Variants in TRAF3 observed in about 807,000 individuals in gnomAD.
TRAF3 encodes the protein TNF receptor associated factor 3.
A neutral mutation model predicts 62.3 loss-of-function variants in TRAF3; 13 were observed. That is an observed-to-expected ratio of 0.21 (90% CI 0.14 to 0.33). The LOEUF (loss-of-function observed/expected upper bound fraction) is 0.33, where lower values mean the gene tolerates loss of function less well. Among genes scored for constraint, TRAF3 ranks in the 10% least tolerant of loss-of-function variants. The pLI, the probability that TRAF3 is intolerant of heterozygous loss-of-function variation, is 1.00. For missense variants in TRAF3, 440 were observed against 741.8 expected, an observed-to-expected ratio of 0.59 and a Z score of 4.73; for synonymous variants, 269 against 283.4, an observed-to-expected ratio of 0.95 and a Z score of 0.51.
chr14:102,815,209 G>T (rs969064097), intron 1 of TRAF3, among the ~76,000 whole-genome samples: 11 of 152,224 alleles, frequency 7.2e-5, no homozygotes, highest in African/African-American at 2.7e-4. Context: ...AAAGTGTTGG[G>T]ATTACAGATG....
At chr14:102,811,550 GTTTTTTTTTTTTT>G (rs35064640) in intron 1 of TRAF3, among the ~76,000 whole-genome samples, 1 of 79,488 alleles carries the variant, frequency 1.3e-5, no homozygotes, top group Non-Finnish European at 2.3e-5. Flanking sequence ...GCTGTAGGCG[GTTTTTTTTTTTTT>G]TTTTTTTTTT....
chr14:102,827,022 G>A (rs999288583), intron 1 of TRAF3, among the ~76,000 whole-genome samples: 2 of 152,120 alleles, frequency 1.3e-5, no homozygotes, highest in Non-Finnish European at 2.9e-5. Flanking sequence ...GACGGGCTCC[G>A]GCCACAGGCG....
chr14:102,781,477 A>G (rs1262930900), intron 1 of TRAF3, among the ~76,000 whole-genome samples: 1 of 152,114 alleles, frequency 6.6e-6, no homozygotes, highest in Non-Finnish European at 1.5e-5. Context: ...AAGTCTCCAA[A>G]GTGGCAGGGG....
chr14:102,875,717 G>T lies in TRAF3; in HGVS notation c.391G>T (p.Gly131Ter). 1 of 1,613,798 alleles carries T rather than the reference G, an allele frequency of 6.2e-7. No homozygotes were observed. Among genetic ancestry groups the T allele is most frequent in the Non-Finnish European group, 8.5e-7 (1 of 1,179,746 alleles). The part of the protein sequence containing the change: ...SRGCAEQLML[G>*]HLLVHLKNDC... ...AGGTTGTGCAGAGCAGTTAATGCTG[G>T]GACATCTGCTGGTGAGTAGCAAAGG... The change falls in exon 5 of 12, where the codon GGA (glycine) becomes TGA (stop). Residue 131 changes from glycine to a stop codon, truncating the protein, a stop_gained. Transcript: ENST00000392745. LOFTEE classifies it high-confidence loss of function.
At chr14:102,866,209 G>A (rs550446258) in intron 2 of TRAF3, among the ~76,000 whole-genome samples, 3 of 152,142 alleles carry the variant, frequency 2.0e-5, no homozygotes, top group Admixed American at 6.5e-5. Context: ...GTTCTCACTC[G>A]TAAGTGGGAG....
In TRAF3 at chr14:102,833,776, C is replaced by T. The variant is rs377294434; in HGVS notation, c.-18+3304C>T. Among the ~76,000 whole-genome samples, 3 of 151,774 alleles carry T rather than the reference C, an allele frequency of 2.0e-5. 1 individual carries two copies. In the South Asian group the frequency reaches 6.2e-4, roughly 32 times the overall value. Reference sequence around the variant, plus strand: ...TTGGGAGGTCGAGGCGGGTGGATCACGAGGTCAGGAATTCGAGACCAGCCT... The same window carrying T: ...TTGGGAGGTCGAGGCGGGTGGATCATGAGGTCAGGAATTCGAGACCAGCCT... On this transcript the variant is annotated intron_variant, in intron 2 of 11. Coordinates refer to ENST00000392745, the MANE Select transcript of TRAF3 (RefSeq NM_145725.3).
chr14:102,810,395 CTGGAGTGG>C (rs1310538564), intron 1 of TRAF3, among the ~76,000 whole-genome samples: 3 of 152,142 alleles, frequency 2.0e-5, no homozygotes, highest in Admixed American at 2.0e-4. Flanking sequence ...AAGCTTAGTT[CTGGAGTGG>C]TGGACCATCA....
At chr14:102,790,580 G>A (rs1000032655) in intron 1 of TRAF3, among the ~76,000 whole-genome samples, 9 of 152,170 alleles carry the variant, frequency 5.9e-5, no homozygotes, top group African/African-American at 2.2e-4. Context: ...GTCTGTGCAG[G>A]GGAACTGTGC....
chr14:102,855,794 T>TAAA (rs59248096), intron 2 of TRAF3, among the ~76,000 whole-genome samples: 6 of 132,162 alleles, frequency 4.5e-5, no homozygotes, highest in African/African-American at 1.6e-4. Flanking sequence ...AGACTTTATC[T>TAAA]AAAAAAAAAA....
intron 1 of TRAF3, among the ~76,000 whole-genome samples, chr14:102,794,641 T>A (rs554912749): frequency 6.6e-6 from 1 of 152,336 alleles, no homozygotes. Context: ...CTGTCCTTGA[T>A]CTGGTATACG....
intron 1 of TRAF3, among the ~76,000 whole-genome samples, chr14:102,793,553 C>G (rs935040818): frequency 5.9e-5 from 9 of 152,288 alleles, no homozygotes; most frequent in South Asian, 2.1e-4. Flanking sequence ...GCAGACAACC[C>G]TAACATCTCT....
At chr14:102,843,418 A>T (rs1004009462) in intron 2 of TRAF3, among the ~76,000 whole-genome samples, 1 of 149,792 alleles carries the variant, frequency 6.7e-6, no homozygotes, top group African/African-American at 2.5e-5. Flanking sequence ...GCTCACTGCA[A>T]TCTCTGTCTC....
At chr14:102,849,321 A>G (rs1886899167) in intron 2 of TRAF3, among the ~76,000 whole-genome samples, 2 of 152,222 alleles carry the variant, frequency 1.3e-5, no homozygotes, top group Admixed American at 6.5e-5. Context: ...CATCTGGAGA[A>G]GTGCTGCCTG....
In TRAF3 at chr14:102,901,093, C is replaced by T. The variant is rs1890273122; in HGVS notation, c.961-2162C>T. On this transcript the variant is annotated intron_variant, in intron 10 of 11. Coordinates refer to ENST00000392745, the MANE Select transcript of TRAF3 (RefSeq NM_145725.3). ...GTTCCCTTGCTGCTCATGGAGACGC[C>T]TTTTATTTAGTCGTGCTGGTCTGTG... 5.9e-5 allele frequency among the ~76,000 whole-genome samples: 9 copies of T among 152,250 alleles called. No individual in the cohort carries two copies. The South Asian group carries it at 1.9e-3, about 32-fold the overall frequency.
At chr14:102,802,902 A>G (rs766585786) in intron 1 of TRAF3, among the ~76,000 whole-genome samples, 1 of 152,214 alleles carries the variant, frequency 6.6e-6, no homozygotes, top group Non-Finnish European at 1.5e-5. Flanking sequence ...ACAGTTCAGC[A>G]TGGCTGGGGA....
chr14:102,839,421 T>C (rs1473530374), intron 2 of TRAF3, among the ~76,000 whole-genome samples: 1 of 152,086 alleles, frequency 6.6e-6, no homozygotes, highest in African/African-American at 2.4e-5. Flanking sequence ...GGTTTCACCT[T>C]GTGGGCCTGA....
intron 2 of TRAF3, among the ~76,000 whole-genome samples, chr14:102,860,246 T>C (rs1204570196): frequency 6.6e-6 from 1 of 152,124 alleles, no homozygotes; most frequent in Non-Finnish European, 1.5e-5. Flanking sequence ...ACACCAAAGT[T>C]CTCTCATAAT....
At chr14:102,804,513 G>C (rs1191281550) in intron 1 of TRAF3, among the ~76,000 whole-genome samples, 1 of 151,894 alleles carries the variant, frequency 6.6e-6, no homozygotes, top group East Asian at 1.9e-4. Context: ...TTTGAGTCAG[G>C]GTCTCACTCT....
At chr14:102,876,783 A>G (rs753684747) in intron 6 of TRAF3, 75 of 488,078 alleles carry the variant, frequency 1.5e-4, no homozygotes, top group Non-Finnish European at 2.0e-4. Context: ...CAGCTCACAG[A>G]TAATCCGTTC....
Sources: gnomAD v4.1 joint callset for allele counts (sites outside exome capture counted in the v4.1 genomes callset) on GRCh38, gnomAD v4.1.1 for gene constraint, MANE v1.5 for transcripts, NCBI Gene and HGNC (gene_info 2026-07-23, HGNC 2026-07-21) for gene names.